TF: variants seen among roughly 807,000 people sequenced by gnomAD.
TF encodes transferrin.
Under a neutral mutation model 82.4 loss-of-function variants are expected in TF, and 55 were observed. The observed-to-expected ratio is 0.67, with a 90% CI of 0.54 to 0.84. The LOEUF (loss-of-function observed/expected upper bound fraction) is 0.84. Ranked by LOEUF, TF falls within the 40% of genes least tolerant of loss-of-function variation. The pLI, the probability that TF is intolerant of heterozygous loss-of-function variation, is 0.00. For synonymous variants in TF, 332 were observed against 332.6 expected (o/e 1.00, Z 0.02); for missense variants, 737 against 868.4 (o/e 0.85, Z 1.90).
the TF span, among the ~76,000 whole-genome samples, chr3:133,735,627 G>A: frequency 6.6e-6 from 1 of 152,114 alleles, no homozygotes; most frequent in Non-Finnish European, 1.5e-5. Flanking sequence ...TGATGGAGCT[G>A]AAAAACAGCA....
At chr3:133,751,289 G>C (rs1933657567) in intron 2 of TF, among the ~76,000 whole-genome samples, 1 of 140,860 alleles carries the variant, frequency 7.1e-6, no homozygotes, top group African/African-American at 2.7e-5. Flanking sequence ...CTGGAGTGCA[G>C]TGGCGCGATC....
the TF span, among the ~76,000 whole-genome samples, chr3:133,687,298 AC>A: frequency 6.6e-6 from 1 of 152,224 alleles, no homozygotes; most frequent in Non-Finnish European, 1.5e-5. Context: ...TACATATGTA[AC>A]AAACCTGCAC....
At chr3:133,727,363 G>T in the TF span, among the ~76,000 whole-genome samples, 2 of 148,940 alleles carry the variant, frequency 1.3e-5, no homozygotes, top group Non-Finnish European at 3.0e-5. Context: ...TATATATTTA[G>T]GATAGTTAGC....
At chr3:133,700,470 C>T in the TF span, among the ~76,000 whole-genome samples, 2 of 152,160 alleles carry the variant, frequency 1.3e-5, no homozygotes, top group Admixed American at 6.5e-5. Flanking sequence ...GCAGGCTTGG[C>T]GTGGGGAGAA....
the TF span, among the ~76,000 whole-genome samples, chr3:133,732,427 A>G: frequency 3.6e-4 from 55 of 152,336 alleles, no homozygotes; most frequent in Middle Eastern, 3.4e-3. Flanking sequence ...TGGACCAATC[A>G]GCTCTCTGTA....
At chr3:133,677,033 A>G in the TF span, among the ~76,000 whole-genome samples, 1 of 152,246 alleles carries the variant, frequency 6.6e-6, no homozygotes, top group African/African-American at 2.4e-5. Flanking sequence ...AGTAGCTTGA[A>G]TAAAAAAGAC....
intron 1 of TF, chr3:133,748,194 C>G: frequency 3.2e-6 from 2 of 615,442 alleles, no homozygotes; most frequent in South Asian, 3.6e-5. Context: ...CTCTGGCCAG[C>G]AGAGGGTGGT....
At position 133,771,713 on chromosome 3, in the gene TF, C is replaced by T. The variant is rs1471741101; in HGVS notation, c.1687+1141C>T. The stretch of plus-strand genomic sequence containing the variant: ...GATTGCGCCACTGCAGTCCGCAGTC[C>T]GGCCTGGGCGACAGAGCGAGACTCC... On this transcript the variant is annotated intron_variant, in intron 14 of 16. Transcript: ENST00000402696. Among the ~76,000 whole-genome samples the T allele has an allele frequency of 7.7e-5, 9 of 116,686 alleles. No individual in the cohort carries two copies. In the East Asian group the frequency reaches 2.0e-3, roughly 26 times the overall value. 76.6% of individuals were successfully genotyped at this position (116,686 alleles called of 152,430 possible).
rs1392946990 is a variant in TF at position 133,789,878 on chromosome 3, CGTTTTTTTT to C, written c.*11259_*11267del. The C allele has an allele frequency of 1.5e-4, 8 of 52,440 alleles. No homozygotes were observed. Among genetic ancestry groups the C allele is most frequent in the Middle Eastern group, 0.014 (1 of 74 alleles). The allele number at this position is 52,440 out of a possible 1,614,324, so 3.2% of individuals were successfully genotyped here. On this transcript the variant is annotated 3_prime_UTR_variant, in exon 17 of 17. Coordinates refer to ENST00000402696, the MANE Select transcript of TF (RefSeq NM_001063.4). Reference sequence around the variant, plus strand: ...AGCCAAAACAAAACGATCTCGTTTGCGTTTTTTTTTTTTTTTTTTTTTTTTTTTTTGACA... The same window carrying C: ...AGCCAAAACAAAACGATCTCGTTTGCTTTTTTTTTTTTTTTTTTTTTGACA...
At position 133,746,691 on chromosome 3, in the gene TF, T is replaced by C. The variant is rs1933510993; in HGVS notation, c.43+208T>C. ...CACTGCACTCACTGTCTTCTCCCCC[T>C]CCTCCTCTTTGTCCAGTAAATCTTG... On this transcript the variant is annotated intron_variant, in intron 1 of 16. Transcript: ENST00000402696. Among the ~76,000 whole-genome samples, 4 of 152,160 alleles carry C rather than the reference T, an allele frequency of 2.6e-5. No individual in the cohort carries two copies. In the South Asian group the frequency reaches 8.3e-4, roughly 32 times the overall value.
At chr3:133,770,441 C>G in intron 13 of TF, 67 bp from the exon 14 acceptor site, 1 of 1,436,956 alleles carries the variant, frequency 7.0e-7, no homozygotes, top group South Asian at 1.1e-5. Flanking sequence ...ATAAGGTAGC[C>G]CCCTGAATGA....
rs879737636 is a variant in TF at position 133,750,444 on chromosome 3, C to CTG, written c.216+1860_216+1861insTG. ...GATGCAGCCTGGCTTCCCTCAATCC[C>CTG]CGCGCTGGGGTTTTCCGTGTCTTTC... On this transcript the variant is annotated intron_variant, in intron 2 of 16. Coordinates refer to ENST00000402696, the MANE Select transcript of TF (RefSeq NM_001063.4). 8.1e-5 allele frequency among the ~76,000 whole-genome samples: 8 copies of CTG among 98,420 alleles called. No homozygotes were observed. In the Admixed American group the frequency reaches 9.3e-4, roughly 11 times the overall value. 64.6% of individuals were successfully genotyped at this position (98,420 alleles called of 152,430 possible).
chr3:133,747,726 G>C (rs1933542984), intron 1 of TF, among the ~76,000 whole-genome samples: 2 of 152,192 alleles, frequency 1.3e-5, no homozygotes, highest in Admixed American at 1.3e-4. Flanking sequence ...TGAATTTGTG[G>C]AGTTTTTAGT....
At chr3:133,776,693 A>C (rs1350365331) in intron 15 of TF, among the ~76,000 whole-genome samples, 1 of 152,186 alleles carries the variant, frequency 6.6e-6, no homozygotes, top group Non-Finnish European at 1.5e-5. Flanking sequence ...CTTTGACAAT[A>C]ACATCTGAAG....
chr3:133,746,465 C>T lies in TF; in HGVS notation c.25C>T (p.Leu9=), dbSNP rs776185776. Residue 9 remains leucine, a synonymous_variant, in exon 1 of 17, where the codon CTG becomes TTG. Coordinates refer to ENST00000402696, the MANE Select transcript of TF (RefSeq NM_001063.4). MRLAVGAL[L]VCAVLGLCLA... is the part of the protein sequence containing the mutation. ...GATGAGGCTCGCCGTGGGAGCCCTGCTGGTCTGCGCCGTCCTGGGTGAGTG... is the reference window on the plus strand; with the variant it reads ...GATGAGGCTCGCCGTGGGAGCCCTGTTGGTCTGCGCCGTCCTGGGTGAGTG... The T allele has an allele frequency of 3.3e-5, 53 of 1,599,824 alleles. No individual in the cohort carries two copies. In the Admixed American group the frequency reaches 8.9e-4, roughly 27 times the overall value.
chr3:133,733,439 C>T, the TF span, among the ~76,000 whole-genome samples: 3 of 152,228 alleles, frequency 2.0e-5, no homozygotes, highest in African/African-American at 7.2e-5. Flanking sequence ...AGCATTCCTG[C>T]ACACCTGCCT....
At chr3:133,770,723 A>T in intron 14 of TF, 151 bp downstream of exon 14, 1 of 956,570 alleles carries the variant, frequency 1.0e-6, no homozygotes, top group Non-Finnish European at 1.7e-6. Context: ...GAAGAGAGAC[A>T]TGTTCACCTG....
chr3:133,666,724 A>C, the TF span, among the ~76,000 whole-genome samples: 1 of 152,126 alleles, frequency 6.6e-6, no homozygotes, highest in East Asian at 1.9e-4. Context: ...GTTTGCAAAC[A>C]AAAATAAAGA....
In TF at chr3:133,781,441, GA is replaced by G. The variant is rs1380029024; in HGVS notation, c.*2822del. 9.2e-5 allele frequency: 14 copies of G among 151,834 alleles called. 1 individual carries two copies. The highest frequency in any genetic ancestry group is 9.2e-4 in the Admixed American group (14 of 15,252). 9.4% of individuals were successfully genotyped at this position (151,834 alleles called of 1,614,324 possible). A position where few individuals can be genotyped will look rare whatever the true frequency, so the allele number is the denominator to read the frequency against. ...TTTTATACAAATAATAGTGAGTTAGGACAATAATAATTAACAAGAATAAATA... is the reference window on the plus strand; with the variant it reads ...TTTTATACAAATAATAGTGAGTTAGGCAATAATAATTAACAAGAATAAATA... On this transcript the variant is annotated 3_prime_UTR_variant, in exon 17 of 17. Transcript: ENST00000402696.
Sources: allele counts gnomAD v4.1 joint callset (sites outside exome capture counted in the v4.1 genomes callset), GRCh38; gene constraint gnomAD v4.1.1; transcripts MANE v1.5; gene names NCBI Gene and HGNC (gene_info 2026-07-23, HGNC 2026-07-21).